NIBAN3: variants seen among roughly 807,000 people sequenced by gnomAD.
The protein encoded by NIBAN3 is protein Niban 3.
A neutral mutation model predicts 76.4 loss-of-function variants in NIBAN3; 66 were observed. The observed-to-expected ratio is 0.86, with a 90% CI of 0.71 to 1.06. NIBAN3 has a LOEUF of 1.06. Among genes scored for constraint, NIBAN3 ranks in the 50% least tolerant of loss-of-function variants. NIBAN3 has a pLI of 0.00. For synonymous variants in NIBAN3, 360 were observed against 355.2 expected, an observed-to-expected ratio of 1.01 and a Z score of -0.15; for missense variants, 808 against 810.7, an observed-to-expected ratio of 1.00 and a Z score of 0.04.
rs1694484179 is a variant in NIBAN3 at position 17,543,604 on chromosome 19, G to C, written c.1527G>C (p.Leu509=). The part of the protein sequence containing the change: ...WGLCIFLPFV[L]SQLEPGCKKE... ...TCTGCATCTTTTTACCTTTTGTGCT[G>C]AGCCAACTCGAGCCAGGCTGCAAAA... The change falls in exon 12 of 15, where the codon CTG becomes CTC. Residue 509 remains leucine, a synonymous_variant. Coordinates refer to ENST00000599164, the MANE Select transcript of NIBAN3 (RefSeq NM_001321827.2). 6.2e-7 allele frequency: 1 copy of C among 1,613,626 alleles called. No homozygotes were observed. Among genetic ancestry groups the C allele is most frequent in the South Asian group, 1.1e-5 (1 of 91,050 alleles).
intron 4 of NIBAN3, among the ~76,000 whole-genome samples, chr19:17,536,694 C>T (rs188026593): frequency 2.5e-3 from 385 of 152,328 alleles, no homozygotes; most frequent in Non-Finnish European, 4.2e-3. Context: ...CATGAGCCAC[C>T]GCGGCTGGTC....
chr19:17,548,874 C>T (rs1967330), intron 13 of NIBAN3, among the ~76,000 whole-genome samples: 69,679 of 151,156 alleles, frequency 0.46, 17,084 homozygotes, highest in Middle Eastern at 0.58. Context: ...TGCAGTGAGC[C>T]GAGATTGCAC....
Position 17,527,360 on chromosome 19 carries a change from G to T in NIBAN3, c.20G>T (p.Ser7Ile). 6.5e-7 allele frequency: 1 copy of T among 1,531,532 alleles called. No homozygotes were observed. Among genetic ancestry groups the T allele is most frequent in the South Asian group, 1.2e-5 (1 of 83,642 alleles). 94.9% of individuals were successfully genotyped at this position (1,531,532 alleles called of 1,614,324 possible). MGGRPS[S>I]PLDKQQRQHL... ...AGCAGCATGGGTGGGCGGCCTTCGA[G>T]CCCTCTGGACAAGCAGCAGCGGCAG... The change falls in exon 1 of 15, where the codon AGC becomes ATC. Residue 7 changes from serine (S) to isoleucine (I), a missense_variant. Coordinates refer to ENST00000599164, the MANE Select transcript of NIBAN3 (RefSeq NM_001321827.2).
rs1186650119 is a variant in NIBAN3 at position 17,537,367 on chromosome 19, T to C, written c.428-9T>C. The C allele has an allele frequency of 6.2e-7, 1 of 1,611,494 alleles. No homozygotes were observed. Among genetic ancestry groups the C allele is most frequent in the East Asian group, 2.2e-5 (1 of 44,824 alleles). ...CGTCTAGAAGATGCGACCTCCTGTTTGTTTTCAGGAGACCATACTCAGGAA... is the reference window on the plus strand; with the variant it reads ...CGTCTAGAAGATGCGACCTCCTGTTCGTTTTCAGGAGACCATACTCAGGAA... On this transcript the variant is annotated splice_polypyrimidine_tract_variant and intron_variant, in intron 4 of 14. Transcript: ENST00000599164.
chr19:17,532,178 C>T, intron 2 of NIBAN3, 85 bp from the exon 3 acceptor site: 2 of 1,499,584 alleles, frequency 1.3e-6, no homozygotes, highest in Admixed American at 2.2e-5. Flanking sequence ...AGCGTCACCC[C>T]AGGATACAGC....
At chr19:17,525,140 G>T (rs866180129), upstream of NIBAN3, among the ~76,000 whole-genome samples, 4 of 152,164 alleles carry the variant, frequency 2.6e-5, no homozygotes, top group Non-Finnish European at 2.9e-5. Context: ...CCTTCCTCCA[G>T]CCTGGAGCCC....
chr19:17,547,618 G>A (rs1371216231), intron 13 of NIBAN3, among the ~76,000 whole-genome samples: 1 of 151,252 alleles, frequency 6.6e-6, no homozygotes, highest in Non-Finnish European at 1.5e-5. Flanking sequence ...CTCCCAAAGT[G>A]CTGGGATTAC....
intron 14 of NIBAN3, among the ~76,000 whole-genome samples, chr19:17,550,349 G>T (rs1169208948): frequency 6.6e-6 from 1 of 152,078 alleles, no homozygotes; most frequent in East Asian, 1.9e-4. Context: ...ACACTAACTT[G>T]GATAAATAGT....
intron 2 of NIBAN3, among the ~76,000 whole-genome samples, chr19:17,531,866 A>C (rs1880445378): frequency 6.6e-6 from 1 of 152,162 alleles, no homozygotes; most frequent in South Asian, 2.1e-4. Context: ...TGTGCCCCAC[A>C]CACCTCACTC....
chr19:17,546,890 G>A, intron 13 of NIBAN3, 93 bp downstream of exon 13: 2 of 1,455,936 alleles, frequency 1.4e-6, no homozygotes, highest in Non-Finnish European at 1.8e-6. Flanking sequence ...CTCACTTCCT[G>A]TGAATACTTG....
At chr19:17,537,942 A>ATC (rs1009351336) in intron 5 of NIBAN3, among the ~76,000 whole-genome samples, 3 of 144,828 alleles carry the variant, frequency 2.1e-5, no homozygotes, top group Non-Finnish European at 4.5e-5. Context: ...GCAAAACTCC[A>ATC]TCACACACAC....
intron 5 of NIBAN3, 38 bp downstream of exon 5, chr19:17,537,581 T>G: frequency 1.3e-6 from 2 of 1,523,290 alleles, no homozygotes; most frequent in Non-Finnish European, 8.8e-7. Context: ...GTGGGGCTAA[T>G]GGTCTGGGGT....
chr19:17,549,448 GA>G lies in NIBAN3; in HGVS notation c.1676del (p.Lys559ArgfsTer94). ...CLLQRIDQELKKTLGANDVSC... is the reference protein window; with the variant it reads ...CLLQRIDQELXKTLGANDVSC... ...CAAGAGTTCATCTCATTTCAGAATT[GA>G]AAAAGACCCTTGGTGCCAATGATGT... is the stretch of plus-strand genomic sequence containing the variant. On this transcript the variant is annotated frameshift_variant, in exon 14 of 15. Transcript: ENST00000599164. LOFTEE classifies it high-confidence loss of function. The G allele has an allele frequency of 6.2e-7, 1 of 1,612,086 alleles. No individual in the cohort carries two copies. Among genetic ancestry groups the G allele is most frequent in the Non-Finnish European group, 8.5e-7 (1 of 1,178,484 alleles).
intron 14 of NIBAN3, among the ~76,000 whole-genome samples, chr19:17,550,360 T>G (rs1391768634): frequency 2.0e-5 from 3 of 152,108 alleles, no homozygotes; most frequent in Admixed American, 2.0e-4. Flanking sequence ...GATAAATAGT[T>G]AAACAGTCCT....
chr19:17,538,338 C>A (rs1444281943), intron 5 of NIBAN3, among the ~76,000 whole-genome samples: 1 of 151,346 alleles, frequency 6.6e-6, no homozygotes, highest in Non-Finnish European at 1.5e-5. Flanking sequence ...ATGGCATGAA[C>A]CCAGGAGGTG....
chr19:17,533,866 G>A (rs942370595), intron 4 of NIBAN3, among the ~76,000 whole-genome samples, 165 bp downstream of exon 4: 3 of 152,144 alleles, frequency 2.0e-5, no homozygotes, highest in Non-Finnish European at 4.4e-5. Flanking sequence ...CACCCTGGGT[G>A]CGACAACCAC....
intron 4 of NIBAN3, among the ~76,000 whole-genome samples, chr19:17,534,435 G>A (rs1291283283): frequency 6.6e-6 from 1 of 152,046 alleles, no homozygotes; most frequent in Non-Finnish European, 1.5e-5. Flanking sequence ...GATCACCTGA[G>A]GTCAGGAGGA....
intron 8 of NIBAN3, 94 bp from the exon 9 acceptor site, chr19:17,540,297 TC>T: frequency 1.2e-6 from 1 of 863,572 alleles, no homozygotes; most frequent in Non-Finnish European, 1.6e-6. Context: ...GCGCTCAGCG[TC>T]CCTGCTCGCG....
At chr19:17,554,132 C>T (rs918297027), downstream of NIBAN3, among the ~76,000 whole-genome samples, 2 of 152,104 alleles carry the variant, frequency 1.3e-5, no homozygotes, top group African/African-American at 2.4e-5. Flanking sequence ...CCTCAGCCTC[C>T]CAAAATGCTG....
Sources: gnomAD v4.1 joint callset for allele counts (sites outside exome capture counted in the v4.1 genomes callset) on GRCh38, gnomAD v4.1.1 for gene constraint, MANE v1.5 for transcripts, NCBI Gene and HGNC (gene_info 2026-07-23, HGNC 2026-07-21) for gene names.